ADAMTS6: variants seen among roughly 807,000 people sequenced by gnomAD.
ADAMTS6 encodes A disintegrin and metalloproteinase with thrombospondin motifs 6.
Under a neutral mutation model 144.3 loss-of-function variants are expected in ADAMTS6, and 23 were observed. That is an observed-to-expected ratio of 0.16 (90% CI 0.11 to 0.23). The LOEUF (loss-of-function observed/expected upper bound fraction) is 0.23, where lower values mean the gene tolerates loss of function less well. Among genes scored for constraint, ADAMTS6 ranks in the 10% least tolerant of loss-of-function variants. The pLI is 1.00. For synonymous variants in ADAMTS6, 444 were observed against 457.5 expected (o/e 0.97, Z 0.38); for missense variants, 999 against 1,379.6 (o/e 0.72, Z 4.37).
Position 65,172,887 on chromosome 5 carries a change from C to G in ADAMTS6, c.3032G>C (p.Arg1011Pro). 6.2e-7 allele frequency: 1 copy of G among 1,614,236 alleles called. No individual in the cohort carries two copies. Among genetic ancestry groups the G allele is most frequent in the East Asian group, 2.2e-5 (1 of 44,890 alleles). ...PEESKPPVRIRCSLGRCPPPR... is the reference protein window; with the variant it reads ...PEESKPPVRIPCSLGRCPPPR... ...AGGAGGGCAGCGGCCCAAACTGCAGCGGATGCGGACAGGAGGTTTGCTTTC... is the reference window on the plus strand; with the variant it reads ...AGGAGGGCAGCGGCCCAAACTGCAGGGGATGCGGACAGGAGGTTTGCTTTC... The change falls in exon 23 of 25, where the codon CGC (arginine) becomes CCC (proline). Residue 1011 changes from arginine (R) to proline (P), a missense_variant. By Grantham distance (103) the Arg-to-Pro change is moderately radical. This residue lies in a region of ADAMTS6 where 619 missense variants were observed against 837.0 expected (regional missense o/e 0.74). Coordinates refer to ENST00000381055, the MANE Select transcript of ADAMTS6 (RefSeq NM_197941.4).
chr5:65,343,495 A>G (rs191030702), intron 7 of ADAMTS6, among the ~76,000 whole-genome samples: 10 of 152,276 alleles, frequency 6.6e-5, no homozygotes, highest in Non-Finnish European at 1.3e-4. Context: ...AACCATATGC[A>G]AAAGAATGAA....
chr5:65,471,229 A>C lies in ADAMTS6; in HGVS notation c.98-87T>G, dbSNP rs952576897. 3 of 1,335,956 alleles carry C rather than the reference A, an allele frequency of 2.2e-6. No homozygotes were observed. In the African/African-American group the frequency reaches 4.5e-5, roughly 20 times the overall value. 82.8% of individuals were successfully genotyped at this position (1,335,956 alleles called of 1,614,324 possible). A position where few individuals can be genotyped will look rare whatever the true frequency, so the allele number is the denominator to read the frequency against. On this transcript the variant is annotated intron_variant, in intron 2 of 24. Coordinates refer to ENST00000381055, the MANE Select transcript of ADAMTS6 (RefSeq NM_197941.4). ...GGAACAAAGAAGCAGCAATATAAACAACAACTATGTCAATTAAAACTATGA... is the reference window on the plus strand; with the variant it reads ...GGAACAAAGAAGCAGCAATATAAACCACAACTATGTCAATTAAAACTATGA...
intron 18 of ADAMTS6, among the ~76,000 whole-genome samples, chr5:65,218,939 G>T (rs1045490408): frequency 6.6e-6 from 1 of 151,988 alleles, no homozygotes; most frequent in African/African-American, 2.4e-5. Context: ...AATTAAAAAC[G>T]CATTTTGTAA....
chr5:65,218,009 C>T (rs972360136), intron 18 of ADAMTS6, among the ~76,000 whole-genome samples: 2 of 152,112 alleles, frequency 1.3e-5, no homozygotes. Context: ...AGAACCCAAG[C>T]AGAACACAGT....
intron 7 of ADAMTS6, among the ~76,000 whole-genome samples, chr5:65,364,522 TTTG>T: frequency 6.6e-6 from 1 of 151,946 alleles, no homozygotes; most frequent in East Asian, 1.9e-4. Context: ...CCTGCTGCCT[TTTG>T]TTAAGTTATT....
rs772933671 is a variant in ADAMTS6 at position 65,262,981 on chromosome 5, AAC to A, written c.1621-21_1621-20del. On this transcript the variant is annotated intron_variant, in intron 12 of 24. Transcript: ENST00000381055. The stretch of plus-strand genomic sequence containing the variant: ...AACACCACTGCAAGATTTCACAGAA[AAC>A]ACAGAATTAGCTTTTAGGCAGATAG... 1 of 1,613,654 alleles carries A rather than the reference AAC, an allele frequency of 6.2e-7. No homozygotes were observed. The highest frequency in any genetic ancestry group is 1.1e-5 in the South Asian group (1 of 91,064).
chr5:65,217,373 CT>C (rs77812978), intron 18 of ADAMTS6, among the ~76,000 whole-genome samples: 1,440 of 143,262 alleles, frequency 0.01, 9 homozygotes, highest in African/African-American at 0.023. Context: ...CTCTCACTTC[CT>C]TTTTTTTTTT....
chr5:65,270,774 G>A (rs949962450), intron 12 of ADAMTS6, among the ~76,000 whole-genome samples: 1 of 152,088 alleles, frequency 6.6e-6, no homozygotes, highest in Non-Finnish European at 1.5e-5. Flanking sequence ...GAATATAAAT[G>A]ACCCCTTGAC....
In ADAMTS6 at chr5:65,228,301, G is replaced by A. The variant is rs769770422; in HGVS notation, c.1934-2082C>T. 1.4e-3 allele frequency among the ~76,000 whole-genome samples: 219 copies of A among 152,198 alleles called. 1 individual carries two copies. Among genetic ancestry groups the A allele is most frequent in the Non-Finnish European group, 2.4e-3 (161 of 68,012 alleles). On this transcript the variant is annotated intron_variant, in intron 15 of 24. Coordinates refer to ENST00000381055, the MANE Select transcript of ADAMTS6 (RefSeq NM_197941.4). ...TCAATTTTAACATTAATTATGTAAC[G>A]TAATATTTGATAGGCAGGACATATA...
At chr5:65,416,034 AC>A in intron 7 of ADAMTS6, 1 of 186,212 alleles carries the variant, frequency 5.4e-6, no homozygotes, top group South Asian at 1.1e-4. Context: ...CTGCATGGCC[AC>A]CCTGGGCAAT....
At chr5:65,470,407 G>A (rs1213954021) in intron 3 of ADAMTS6, among the ~76,000 whole-genome samples, 1 of 152,094 alleles carries the variant, frequency 6.6e-6, no homozygotes, top group East Asian at 1.9e-4. Flanking sequence ...TGTCAGTGTT[G>A]TGGCTTCCTG....
intron 9 of ADAMTS6, among the ~76,000 whole-genome samples, chr5:65,320,690 G>GT (rs548735724): frequency 2.0e-5 from 3 of 151,772 alleles, no homozygotes; most frequent in Non-Finnish European, 4.4e-5. Context: ...GTACCCGTTA[G>GT]TTGTCTTCCC....
chr5:65,310,447 GC>G (rs1744385098), intron 9 of ADAMTS6, among the ~76,000 whole-genome samples: 1 of 152,124 alleles, frequency 6.6e-6, no homozygotes, highest in Non-Finnish European at 1.5e-5. Flanking sequence ...GATCACTTGA[GC>G]CCAGGAGGTT....
At chr5:65,250,904 T>C (rs1360703602) in intron 14 of ADAMTS6, among the ~76,000 whole-genome samples, 1 of 152,198 alleles carries the variant, frequency 6.6e-6, no homozygotes, top group Non-Finnish European at 1.5e-5. Flanking sequence ...AGCCATATTT[T>C]TACTCTTTAC....
intron 21 of ADAMTS6, among the ~76,000 whole-genome samples, chr5:65,196,471 C>T (rs957477722): frequency 7.0e-5 from 9 of 127,674 alleles, no homozygotes; most frequent in South Asian, 4.9e-4. Flanking sequence ...TGCAGTAAGC[C>T]GAGATCGCGC....
chr5:65,257,359 A>G (rs1365929066), intron 14 of ADAMTS6, among the ~76,000 whole-genome samples: 1 of 150,880 alleles, frequency 6.6e-6, no homozygotes, highest in Non-Finnish European at 1.5e-5. Context: ...TAATTCAAAT[A>G]CATTTCATTC....
rs904441544 is a variant in ADAMTS6, at chr5:65,173,698, T to C, written c.2911-690A>G. Among the ~76,000 whole-genome samples the C allele has an allele frequency of 2.0e-5, 3 of 152,160 alleles. 1 individual carries two copies. The South Asian group carries it at 6.2e-4, about 32-fold the overall frequency. ...TGGTAGCTGACTTGAGTCTTCCAGCTTTCTCCCCTGTATGTCTGGACCCTT... is the reference window on the plus strand; with the variant it reads ...TGGTAGCTGACTTGAGTCTTCCAGCCTTCTCCCCTGTATGTCTGGACCCTT... On this transcript the variant is annotated intron_variant, in intron 22 of 24. Coordinates refer to ENST00000381055, the MANE Select transcript of ADAMTS6 (RefSeq NM_197941.4).
intron 22 of ADAMTS6, among the ~76,000 whole-genome samples, chr5:65,175,158 C>G (rs539304138): frequency 6.6e-6 from 1 of 151,268 alleles, no homozygotes; most frequent in African/African-American, 2.4e-5. Context: ...AAGTGGCTGG[C>G]AGAGACAAGG....
chr5:65,189,267 TCTTCTGGACACATTAA>T (rs1170077618), intron 21 of ADAMTS6, among the ~76,000 whole-genome samples: 8 of 152,224 alleles, frequency 5.3e-5, no homozygotes, highest in African/African-American at 1.9e-4. Flanking sequence ...CAGGATTCAC[TCTTCTGGACACATTAA>T]TTAGTCTAAG....
Sources: allele counts gnomAD v4.1 joint callset (sites outside exome capture counted in the v4.1 genomes callset), GRCh38; gene constraint gnomAD v4.1.1; regional missense constraint gnomAD v4.1.1; transcripts MANE v1.5; gene names NCBI Gene and HGNC (gene_info 2026-07-23, HGNC 2026-07-21).